The following ADAM7 variants were observed in gnomAD, a reference collection of about 807,000 sequenced individuals.
ADAM7 encodes ADAM metallopeptidase domain 7, also known as disintegrin and metalloproteinase domain-containing protein 7.
In ADAM7, 97 loss-of-function variants were observed where a neutral mutation model predicts 102.9. The observed-to-expected ratio is 0.94, with a 90% CI of 0.80 to 1.12. The LOEUF (loss-of-function observed/expected upper bound fraction) is 1.12, where lower values mean the gene tolerates loss of function less well. Ranked by LOEUF, ADAM7 falls within the 50% of genes most tolerant of loss-of-function variation. The probability of loss-of-function intolerance (pLI) is 0.00; values close to 1 mark genes in which losing one functional copy is unlikely to be tolerated. For synonymous variants in ADAM7, 334 were observed against 304.4 expected, an observed-to-expected ratio of 1.10 and a Z score of -1.01; for missense variants, 991 against 908.7, an observed-to-expected ratio of 1.09 and a Z score of -1.16.
intron 20 of ADAM7, among the ~76,000 whole-genome samples, chr8:24,507,199 A>T (rs1585941407): frequency 6.6e-6 from 1 of 152,190 alleles, no homozygotes; most frequent in East Asian, 1.9e-4. Flanking sequence ...CTCTTACCTA[A>T]TATATTCTAG....
intron 20 of ADAM7, among the ~76,000 whole-genome samples, chr8:24,502,520 A>T (rs529685838): frequency 2.0e-5 from 3 of 152,206 alleles, no homozygotes; most frequent in East Asian, 3.9e-4. Flanking sequence ...CTAACTAGTT[A>T]GTACATATTA....
rs137855268 is a variant in ADAM7 at position 24,466,806 on chromosome 8, T to C, written c.397T>C (p.Phe133Leu). Residue 133 changes from phenylalanine (F) to leucine (L), a missense_variant, in exon 6 of 22, where the codon TTC (phenylalanine) becomes CTC (leucine). Coordinates refer to ENST00000175238, the MANE Select transcript of ADAM7 (RefSeq NM_003817.4). ...ISTCNGLRGFFRINDQRYLIE... is the reference protein window; with the variant it reads ...ISTCNGLRGFLRINDQRYLIE... ...TGTTCCCAATTTCTACAGGGGATTC[T>C]TCAGAATAAACGACCAAAGATACCT... is the stretch of plus-strand genomic sequence containing the variant. 1.6e-4 allele frequency: 265 copies of C among 1,612,546 alleles called. 2 individuals are homozygous for C. The African/African-American group carries it at 1.9e-3, about 11-fold the overall frequency.
intron 3 of ADAM7, among the ~76,000 whole-genome samples, chr8:24,461,231 A>T (rs1819231123): frequency 6.6e-6 from 1 of 151,914 alleles, no homozygotes; most frequent in South Asian, 2.1e-4. Flanking sequence ...TGATCTCGTG[A>T]TCCACCCGCC....
Position 24,508,580 on chromosome 8 carries a change from G to T in ADAM7, c.*34G>T. On this transcript the variant is annotated 3_prime_UTR_variant, in exon 22 of 22. Transcript: ENST00000175238. Reference sequence around the variant, plus strand: ...TTGGATATCCAAAATGGCCGTGCAAGCTTAGGCTGGGGATTCTGGATGCAA... The same window carrying T: ...TTGGATATCCAAAATGGCCGTGCAATCTTAGGCTGGGGATTCTGGATGCAA... The T allele has an allele frequency of 1.9e-6, 3 of 1,613,366 alleles. No homozygotes were observed. The highest frequency in any genetic ancestry group is 1.7e-6 in the Non-Finnish European group (2 of 1,179,574).
At chr8:24,505,400 T>C (rs1171977022) in intron 20 of ADAM7, among the ~76,000 whole-genome samples, 1 of 152,194 alleles carries the variant, frequency 6.6e-6, no homozygotes, top group African/African-American at 2.4e-5. Flanking sequence ...TTCAATTTAC[T>C]GTTGATGGTA....
At chr8:24,484,993 A>T (rs1820086779) in intron 9 of ADAM7, among the ~76,000 whole-genome samples, 1 of 151,674 alleles carries the variant, frequency 6.6e-6, no homozygotes, top group Admixed American at 6.6e-5. Context: ...TTCAGTAGAG[A>T]TGGGGTTTCA....
intron 8 of ADAM7, among the ~76,000 whole-genome samples, chr8:24,481,058 T>C (rs1369314892): frequency 7.0e-6 from 1 of 142,322 alleles, no homozygotes; most frequent in Non-Finnish European, 1.5e-5. Context: ...TGAGACCCTG[T>C]CTCAAAAACA....
rs769639345 is a variant in ADAM7 at position 24,500,782 on chromosome 8, T to A, written c.2003-8T>A. ...CCTCGATGAAGCCCATGTTTCTTCA[T>A]GTTGCAGATATCACCATCTTGGTTG... On this transcript the variant is annotated splice_region_variant and splice_polypyrimidine_tract_variant and intron_variant, in intron 18 of 21. Transcript: ENST00000175238. 1.9e-6 allele frequency: 3 copies of A among 1,608,446 alleles called. No individual in the cohort carries two copies. Among genetic ancestry groups the A allele is most frequent in the South Asian group, 1.1e-5 (1 of 90,842 alleles).
chr8:24,443,939 A>AAAAAT (rs144352481), intron 2 of ADAM7, among the ~76,000 whole-genome samples: 7,365 of 145,624 alleles, frequency 0.051, 216 homozygotes, highest in South Asian at 0.066. Context: ...CTCAAAAAAT[A>AAAAAT]AAAATAAAAT....
chr8:24,477,417 AATTT>A (rs941653600), intron 8 of ADAM7, among the ~76,000 whole-genome samples: 2 of 152,112 alleles, frequency 1.3e-5, no homozygotes, highest in African/African-American at 4.8e-5. Context: ...TGTATTTAAT[AATTT>A]ATTTATATCA....
intron 9 of ADAM7, among the ~76,000 whole-genome samples, chr8:24,485,039 C>T (rs1253051509): frequency 5.3e-5 from 8 of 151,906 alleles, no homozygotes; most frequent in South Asian, 2.1e-4. Flanking sequence ...CTCTTGACCT[C>T]GTGATCCACC....
At chr8:24,504,023 A>AAAAATAAAATAAAAT (rs140673463) in intron 20 of ADAM7, among the ~76,000 whole-genome samples, 1 of 145,698 alleles carries the variant, frequency 6.9e-6, no homozygotes, top group East Asian at 2.0e-4. Context: ...CTTCAAGTAC[A>AAAAATAAAATAAAAT]AAAATAAAAT....
intron 18 of ADAM7, 114 bp downstream of exon 18, chr8:24,500,370 G>T: frequency 1.1e-6 from 1 of 932,010 alleles, no homozygotes. Context: ...GGATTTGTAT[G>T]GTCTTCATAT....
chr8:24,496,323 C>T (rs935569525), intron 16 of ADAM7, among the ~76,000 whole-genome samples: 1 of 152,194 alleles, frequency 6.6e-6, no homozygotes, highest in Non-Finnish European at 1.5e-5. Flanking sequence ...GCGGGGCCCT[C>T]ATGGAGAATC....
At chr8:24,465,800 C>A in intron 5 of ADAM7, 25 bp downstream of exon 5, 2 of 1,528,518 alleles carry the variant, frequency 1.3e-6, no homozygotes, top group South Asian at 1.3e-5. Context: ...CTTTCTTTTT[C>A]CTTTATGAGT....
At position 24,493,096 on chromosome 8, in the gene ADAM7, T is replaced by G. The variant is rs781015867; in HGVS notation, c.1709T>G (p.Leu570Arg). ...YCTGGELSSL[L>R]GEDKTYHLKD... ...ACTGGAGGGGAGCTTTCCTCTCTCC[T>G]TGGAGAAGACAAGACTTATCACCTT... The change falls in exon 16 of 22, where the codon CTT becomes CGT. Residue 570 changes from leucine (L) to arginine (R), a missense_variant. Coordinates refer to ENST00000175238, the MANE Select transcript of ADAM7 (RefSeq NM_003817.4). 1.4e-5 allele frequency: 22 copies of G among 1,612,206 alleles called. No individual in the cohort carries two copies. Among genetic ancestry groups the G allele is most frequent in the Middle Eastern group, 1.6e-4 (1 of 6,072 alleles).
intron 8 of ADAM7, among the ~76,000 whole-genome samples, chr8:24,479,250 G>T (rs528959872): frequency 5.3e-5 from 8 of 152,170 alleles, no homozygotes; most frequent in African/African-American, 1.9e-4. Flanking sequence ...CCTGTCCATG[G>T]GTCATTGGGT....
chr8:24,455,348 A>T (rs1035003184), intron 3 of ADAM7, among the ~76,000 whole-genome samples: 1 of 152,188 alleles, frequency 6.6e-6, no homozygotes, highest in East Asian at 1.9e-4. Flanking sequence ...TATATTACAG[A>T]CATCAGTTTA....
In ADAM7 at chr8:24,499,442, T is replaced by C. The variant is rs1040052533; in HGVS notation, c.1923+126T>C. ...TGCTGCTTTCTAAATCAAATATATATTTGGGATTCATTTTTTCATGTGTTA... is the reference window on the plus strand; with the variant it reads ...TGCTGCTTTCTAAATCAAATATATACTTGGGATTCATTTTTTCATGTGTTA... On this transcript the variant is annotated intron_variant, in intron 17 of 21. Coordinates refer to ENST00000175238, the MANE Select transcript of ADAM7 (RefSeq NM_003817.4). 4 of 668,712 alleles carry C rather than the reference T, an allele frequency of 6.0e-6. No homozygotes were observed. The East Asian group carries it at 1.3e-4, about 22-fold the overall frequency. 41.4% of individuals were successfully genotyped at this position (668,712 alleles called of 1,614,324 possible).
Sources: gnomAD v4.1 joint callset for allele counts (sites outside exome capture counted in the v4.1 genomes callset) on GRCh38, gnomAD v4.1.1 for gene constraint, MANE v1.5 for transcripts, NCBI Gene and HGNC (gene_info 2026-07-23, HGNC 2026-07-21) for gene names.